Variants in PDCD2L observed in about 807,000 individuals in gnomAD.
PDCD2L encodes the protein programmed cell death 2 like, also known as uS5 assembly chaperone PDCD2L.
PDCD2L carries 44 observed loss-of-function variants against 40.4 expected under a neutral mutation model. The observed-to-expected ratio is 1.09, with a 90% CI of 0.86 to 1.40. The LOEUF (loss-of-function observed/expected upper bound fraction) is 1.40, where lower values mean the gene tolerates loss of function less well. Among genes scored for constraint, PDCD2L ranks in the 40% most tolerant of loss-of-function variants. The pLI, the probability that PDCD2L is intolerant of heterozygous loss-of-function variation, is 0.00. For missense variants in PDCD2L, 470 were observed against 453.7 expected (o/e 1.04, Z -0.33); for synonymous variants, 194 against 174.6 (o/e 1.11, Z -0.88).
chr19:34,420,405 ACTTT>A (rs1340424005), intron 5 of PDCD2L, among the ~76,000 whole-genome samples: 2 of 151,598 alleles, frequency 1.3e-5, no homozygotes, highest in Non-Finnish European at 2.9e-5. Context: ...CCTTGCATTA[ACTTT>A]CTTTATGGGG....
chr19:34,419,644 C>G (rs1320328730), intron 5 of PDCD2L, among the ~76,000 whole-genome samples: 2 of 151,840 alleles, frequency 1.3e-5, no homozygotes, highest in Middle Eastern at 3.4e-3. Context: ...ACCTGACTTT[C>G]CATTTGGTGG....
At chr19:34,410,347 G>A (rs2075096418) in intron 4 of PDCD2L, among the ~76,000 whole-genome samples, 1 of 152,146 alleles carries the variant, frequency 6.6e-6, no homozygotes, top group Non-Finnish European at 1.5e-5. Flanking sequence ...CACCTCTCAG[G>A]TTTAAGCAGT....
intron 6 of PDCD2L, among the ~76,000 whole-genome samples, chr19:34,424,029 C>G (rs532082431): frequency 1.1e-4 from 16 of 151,926 alleles, no homozygotes; most frequent in African/African-American, 3.6e-4. Flanking sequence ...TTTTTAAATC[C>G]CACTTTCTCT....
At chr19:34,419,656 G>A (rs559433275) in intron 5 of PDCD2L, among the ~76,000 whole-genome samples, 5 of 150,958 alleles carry the variant, frequency 3.3e-5, no homozygotes, top group Admixed American at 6.6e-5. Context: ...ATTTGGTGGG[G>A]TTTTTTTGTT....
intron 5 of PDCD2L, among the ~76,000 whole-genome samples, chr19:34,414,094 G>A (rs2075116568): frequency 6.6e-6 from 1 of 152,090 alleles, no homozygotes; most frequent in South Asian, 2.1e-4. Context: ...GCCAGTTGCT[G>A]GTATTTGTAG....
intron 5 of PDCD2L, among the ~76,000 whole-genome samples, chr19:34,416,004 T>TC (rs2075124996): frequency 6.6e-6 from 1 of 152,176 alleles, no homozygotes; most frequent in South Asian, 2.1e-4. Context: ...CACTGCAACC[T>TC]CCATTTTCTG....
intron 6 of PDCD2L, among the ~76,000 whole-genome samples, chr19:34,423,431 G>A (rs945549921): frequency 1.3e-5 from 2 of 150,554 alleles, no homozygotes; most frequent in South Asian, 2.1e-4. Flanking sequence ...CTCCCGACCT[G>A]CCTCGGCATC....
rs369889236 is a variant in PDCD2L, at chr19:34,417,500, C to T, written c.797+3653C>T. Among the ~76,000 whole-genome samples the T allele has an allele frequency of 5.5e-4, 84 of 151,742 alleles. 1 individual carries two copies. In the South Asian group the frequency reaches 0.015, roughly 27 times the overall value. On this transcript the variant is annotated intron_variant, in intron 5 of 6. Coordinates refer to ENST00000246535, the MANE Select transcript of PDCD2L (RefSeq NM_032346.2). ...GCGGGTGCCTGTAGTCCCAGCTATT[C>T]GGGAGGCTGAGGCAGAAGAATTGCT...
At chr19:34,418,288 C>T (rs1053678981) in intron 5 of PDCD2L, among the ~76,000 whole-genome samples, 5 of 152,190 alleles carry the variant, frequency 3.3e-5, no homozygotes, top group African/African-American at 1.2e-4. Context: ...TTCTTGCCTA[C>T]CCTGTCCTGT....
chr19:34,416,359 G>A (rs138963909), intron 5 of PDCD2L, among the ~76,000 whole-genome samples: 149 of 152,278 alleles, frequency 9.8e-4, no homozygotes, highest in African/African-American at 3.3e-3. Context: ...AGGAAAGGAC[G>A]GGGATTGCCT....
chr19:34,409,231 A>T lies in PDCD2L; in HGVS notation c.407A>T (p.Glu136Val), dbSNP rs561799443. Residue 136 changes from glutamate (E) to valine (V), a missense_variant, in exon 4 of 7, where the codon GAG becomes GTG. Transcript: ENST00000246535. ...GADDWGSDTE[E>V]GPSPQFTLDF... is the part of the protein sequence containing the mutation. Reference sequence around the variant, plus strand: ...GATGACTGGGGAAGTGATACTGAGGAGGGGCCTTCACCACAGTTTACCTTG... The same window carrying T: ...GATGACTGGGGAAGTGATACTGAGGTGGGGCCTTCACCACAGTTTACCTTG... 1 of 1,614,142 alleles carries T rather than the reference A, an allele frequency of 6.2e-7. No individual in the cohort carries two copies. Among genetic ancestry groups the T allele is most frequent in the East Asian group, 2.2e-5 (1 of 44,886 alleles).
intron 3 of PDCD2L, among the ~76,000 whole-genome samples, chr19:34,407,224 C>G (rs1011690707): frequency 1.3e-5 from 2 of 151,874 alleles, no homozygotes; most frequent in Non-Finnish European, 2.9e-5. Flanking sequence ...TCACTGCAGC[C>G]TCCGCCTCCC....
chr19:34,418,544 A>G (rs1397033772), intron 5 of PDCD2L, among the ~76,000 whole-genome samples: 1 of 152,118 alleles, frequency 6.6e-6, no homozygotes, highest in Non-Finnish European at 1.5e-5. Context: ...TATTTGGGTT[A>G]TTTCCAGTGT....
At chr19:34,421,895 C>G (rs1359984719) in intron 6 of PDCD2L, 9 of 362,050 alleles carry the variant, frequency 2.5e-5, no homozygotes, top group African/African-American at 1.7e-4. Flanking sequence ...CGAGGCCATC[C>G]TGGCCAATGT....
intron 3 of PDCD2L, among the ~76,000 whole-genome samples, chr19:34,405,698 C>T (rs934135701): frequency 4.6e-5 from 7 of 150,774 alleles, no homozygotes; most frequent in African/African-American, 9.7e-5. Flanking sequence ...GTCAGAAGTT[C>T]GAGACCAGCC....
At chr19:34,412,396 A>G (rs769319038) in intron 4 of PDCD2L, among the ~76,000 whole-genome samples, 1 of 152,168 alleles carries the variant, frequency 6.6e-6, no homozygotes, top group African/African-American at 2.4e-5. Context: ...GCAGAGCTAC[A>G]TGTACACAAT....
At chr19:34,423,668 A>G (rs1167434806) in intron 6 of PDCD2L, among the ~76,000 whole-genome samples, 1 of 150,840 alleles carries the variant, frequency 6.6e-6, no homozygotes, top group Admixed American at 6.6e-5. Flanking sequence ...CTAATGTTGT[A>G]TTTTTAATAG....
chr19:34,406,213 T>G (rs2075074711), intron 3 of PDCD2L, among the ~76,000 whole-genome samples: 1 of 152,118 alleles, frequency 6.6e-6, no homozygotes, highest in South Asian at 2.1e-4. Context: ...AACTGTAAAT[T>G]GACAGTTTAT....
At chr19:34,405,589 G>C (rs2075070819) in intron 3 of PDCD2L, among the ~76,000 whole-genome samples, 3 of 151,672 alleles carry the variant, frequency 2.0e-5, no homozygotes, top group Admixed American at 2.0e-4. Context: ...TGAAGTGGGA[G>C]GATTGCTTGA....
Sources: allele counts gnomAD v4.1 joint callset (sites outside exome capture counted in the v4.1 genomes callset), GRCh38; gene constraint gnomAD v4.1.1; transcripts MANE v1.5; gene names NCBI Gene and HGNC (gene_info 2026-07-23, HGNC 2026-07-21).